Variants in CA10 observed in about 807,000 individuals in gnomAD.
CA10 encodes the protein carbonic anhydrase-related protein 10.
CA10 carries 14 observed loss-of-function variants against 44.2 expected under a neutral mutation model. The observed-to-expected ratio is 0.32, with a 90% CI of 0.21 to 0.50. The LOEUF (loss-of-function observed/expected upper bound fraction) is 0.50. CA10 is among the 20% of genes least tolerant of loss of function. The probability of loss-of-function intolerance (pLI) is 0.99; values close to 1 mark genes in which losing one functional copy is unlikely to be tolerated. For synonymous variants in CA10, 159 were observed against 141.6 expected (o/e 1.12, Z -0.87); for missense variants, 350 against 409.7 (o/e 0.85, Z 1.26).
At chr17:52,094,771 C>A (rs968531117) in intron 1 of CA10, among the ~76,000 whole-genome samples, 3 of 152,136 alleles carry the variant, frequency 2.0e-5, no homozygotes, top group African/African-American at 7.2e-5. Flanking sequence ...ATGCCACTAC[C>A]ACCACCAGAA....
intron 3 of CA10, among the ~76,000 whole-genome samples, chr17:51,873,750 C>T (rs549255875): frequency 1.3e-5 from 2 of 152,310 alleles, no homozygotes; most frequent in Admixed American, 6.5e-5. Flanking sequence ...GTAGAAGCAG[C>T]TCTCCTGGTT....
intron 3 of CA10, among the ~76,000 whole-genome samples, chr17:51,917,136 AG>A (rs980984418): frequency 3.3e-5 from 5 of 152,212 alleles, no homozygotes; most frequent in Admixed American, 1.3e-4. Flanking sequence ...CAGATAAAAA[AG>A]GGGGCTTATA....
chr17:51,755,757 A>C (rs1309531763), intron 3 of CA10, among the ~76,000 whole-genome samples: 1 of 152,194 alleles, frequency 6.6e-6, no homozygotes, highest in East Asian at 1.9e-4. Context: ...TTAGATTAGA[A>C]AACCAGGTAC....
intron 4 of CA10, among the ~76,000 whole-genome samples, chr17:51,722,385 G>GGT (rs1916375774): frequency 6.6e-6 from 1 of 152,114 alleles, no homozygotes; most frequent in South Asian, 2.1e-4. Context: ...CAAATTTGTA[G>GGT]GTGTGTGTGA....
chr17:51,884,050 T>C (rs1193098723), intron 3 of CA10, among the ~76,000 whole-genome samples: 1 of 152,180 alleles, frequency 6.6e-6, no homozygotes, highest in East Asian at 1.9e-4. Flanking sequence ...CCCTTCTTTT[T>C]TCTTTGCATT....
At chr17:51,859,040 G>A (rs1451122011) in intron 3 of CA10, among the ~76,000 whole-genome samples, 3 of 151,178 alleles carry the variant, frequency 2.0e-5, no homozygotes, top group South Asian at 2.1e-4. Context: ...AGTGCCCAAT[G>A]TTAGTTAATT....
intron 4 of CA10, among the ~76,000 whole-genome samples, chr17:51,686,933 A>G (rs1341988364): frequency 6.6e-6 from 1 of 152,124 alleles, no homozygotes; most frequent in Admixed American, 6.6e-5. Flanking sequence ...CATCAAGTCC[A>G]ACCTGTACCA....
intron 4 of CA10, among the ~76,000 whole-genome samples, chr17:51,719,271 C>T (rs1916275989): frequency 6.6e-6 from 1 of 152,176 alleles, no homozygotes; most frequent in Non-Finnish European, 1.5e-5. Flanking sequence ...CCAGATGGCT[C>T]CTCCTTGTTC....
chr17:52,033,012 G>T (rs1470900908), intron 2 of CA10, among the ~76,000 whole-genome samples: 1 of 152,176 alleles, frequency 6.6e-6, no homozygotes, highest in Admixed American at 6.5e-5. Context: ...AGAGAACTAA[G>T]ATTTTTGGCT....
chr17:51,923,129 T>C (rs993994124), intron 3 of CA10, among the ~76,000 whole-genome samples: 1 of 152,206 alleles, frequency 6.6e-6, no homozygotes, highest in African/African-American at 2.4e-5. Context: ...AGACCTTTGG[T>C]GCTTAAAGAC....
chr17:52,075,625 T>A (rs1268479823), intron 1 of CA10, among the ~76,000 whole-genome samples: 1 of 152,178 alleles, frequency 6.6e-6, no homozygotes, highest in Non-Finnish European at 1.5e-5. Flanking sequence ...TTGCAGAGCA[T>A]AGCATCTCTG....
chr17:52,099,049 G>C (rs1043669599), intron 1 of CA10, among the ~76,000 whole-genome samples: 1 of 152,128 alleles, frequency 6.6e-6, no homozygotes, highest in African/African-American at 2.4e-5. Context: ...GAAAATAATA[G>C]CAAGAGGTGA....
At chr17:52,051,532 A>T (rs1479821287) in intron 2 of CA10, among the ~76,000 whole-genome samples, 1 of 152,088 alleles carries the variant, frequency 6.6e-6, no homozygotes, top group East Asian at 1.9e-4. Context: ...ACAAGTCTAC[A>T]AAAAATAGCT....
Position 51,631,380 on chromosome 17 carries a change from G to C in CA10, c.*204C>G, listed in dbSNP as rs1383485942. The C allele has an allele frequency of 3.2e-6, 2 of 633,024 alleles. No individual in the cohort carries two copies. The highest frequency in any genetic ancestry group is 5.4e-5 in the Admixed American group (2 of 37,284). 39.2% of individuals were successfully genotyped at this position (633,024 alleles called of 1,614,324 possible). A position where few individuals can be genotyped will look rare whatever the true frequency, so the allele number is the denominator to read the frequency against. On this transcript the variant is annotated 3_prime_UTR_variant, in exon 9 of 9. Coordinates refer to ENST00000451037, the MANE Select transcript of CA10 (RefSeq NM_020178.5). ...TGTTTGTATGTATGTGCAAGTGCTTGTGTGTGTGTTTGTGAGTATGTGTGA... is the reference window on the plus strand; with the variant it reads ...TGTTTGTATGTATGTGCAAGTGCTTCTGTGTGTGTTTGTGAGTATGTGTGA...
chr17:51,744,833 C>G (rs1904616880), intron 4 of CA10, among the ~76,000 whole-genome samples: 1 of 152,156 alleles, frequency 6.6e-6, no homozygotes, highest in South Asian at 2.1e-4. Context: ...TAAATGGGAT[C>G]TCAAAAGTCA....
intron 3 of CA10, among the ~76,000 whole-genome samples, chr17:51,910,506 A>T (rs1981747700): frequency 6.6e-6 from 1 of 152,186 alleles, no homozygotes; most frequent in South Asian, 2.1e-4. Flanking sequence ...TTAACAACAA[A>T]AACAACAACA....
chr17:52,059,273 A>G (rs1987312221), intron 2 of CA10, among the ~76,000 whole-genome samples: 1 of 152,150 alleles, frequency 6.6e-6, no homozygotes, highest in African/African-American at 2.4e-5. Flanking sequence ...CAAGCTCACA[A>G]AAAAATATCA....
chr17:52,103,108 G>A (rs990111092), intron 1 of CA10, among the ~76,000 whole-genome samples: 27 of 152,052 alleles, frequency 1.8e-4, no homozygotes, highest in African/African-American at 6.5e-4. Context: ...TACAAAGAAC[G>A]TCACTAGATC....
intron 2 of CA10, among the ~76,000 whole-genome samples, chr17:51,972,547 G>A (rs1344614470): frequency 6.6e-6 from 1 of 152,030 alleles, no homozygotes; most frequent in South Asian, 2.1e-4. Context: ...GGTCTTAGAG[G>A]AGGTCCATCC....
Sources: allele counts gnomAD v4.1 joint callset (sites outside exome capture counted in the v4.1 genomes callset), GRCh38; gene constraint gnomAD v4.1.1; transcripts MANE v1.5; gene names NCBI Gene and HGNC (gene_info 2026-07-23, HGNC 2026-07-21).